The following CELF4 variants were observed in gnomAD, a reference collection of about 807,000 sequenced individuals.
The protein encoded by CELF4 is CUGBP Elav-like family member 4, also known as CUG-BP- and ETR-3-like factor 4.
A neutral mutation model predicts 59.9 loss-of-function variants in CELF4; 18 were observed. The observed-to-expected ratio is 0.30, with a 90% CI of 0.21 to 0.45. The LOEUF (loss-of-function observed/expected upper bound fraction) is 0.45. Ranked by LOEUF, CELF4 falls within the 20% of genes least tolerant of loss-of-function variation. The pLI, the probability that CELF4 is intolerant of heterozygous loss-of-function variation, is 1.00. For missense variants in CELF4, 456 were observed against 689.0 expected (o/e 0.66, Z 3.79); for synonymous variants, 261 against 267.1 (o/e 0.98, Z 0.22).
chr18:37,541,358 C>T (rs1410331452), intron 1 of CELF4, among the ~76,000 whole-genome samples: 2 of 151,956 alleles, frequency 1.3e-5, no homozygotes, highest in Non-Finnish European at 2.9e-5. Flanking sequence ...TCTCTTTCTC[C>T]CCACATCACA....
At chr18:37,379,935 G>A (rs1271844224) in intron 2 of CELF4, among the ~76,000 whole-genome samples, 2 of 152,066 alleles carry the variant, frequency 1.3e-5, no homozygotes, top group East Asian at 1.9e-4. Flanking sequence ...CCTGCTCCGG[G>A]GTTCCTCACC....
chr18:37,452,143 A>C (rs556154127), intron 2 of CELF4, among the ~76,000 whole-genome samples: 1 of 152,234 alleles, frequency 6.6e-6, no homozygotes, highest in Non-Finnish European at 1.5e-5. Flanking sequence ...TCTGCCAGCA[A>C]TGGTGTCGGC....
intron 2 of CELF4, among the ~76,000 whole-genome samples, chr18:37,349,247 A>C (rs2154552815): frequency 6.6e-6 from 1 of 152,348 alleles, no homozygotes; most frequent in African/African-American, 2.4e-5. Flanking sequence ...CTGAACTCGC[A>C]TCAAGGATAG....
At chr18:37,534,395 G>A (rs1417322415) in intron 1 of CELF4, among the ~76,000 whole-genome samples, 3 of 152,096 alleles carry the variant, frequency 2.0e-5, no homozygotes, top group Non-Finnish European at 2.9e-5. Context: ...TGGGCAGGCC[G>A]CTGTCCCTCG....
At chr18:37,392,748 C>T (rs1254872096) in intron 2 of CELF4, among the ~76,000 whole-genome samples, 4 of 152,184 alleles carry the variant, frequency 2.6e-5, no homozygotes, top group Non-Finnish European at 4.4e-5. Context: ...AGAAACTAGC[C>T]TGTTGTGCTA....
At chr18:37,310,210 C>T (rs937539467) in intron 3 of CELF4, among the ~76,000 whole-genome samples, 4 of 152,042 alleles carry the variant, frequency 2.6e-5, no homozygotes, top group East Asian at 1.9e-4. Context: ...ATGCAGCTCT[C>T]GGGGCAAGAC....
At chr18:37,492,815 T>C (rs971884035) in intron 1 of CELF4, among the ~76,000 whole-genome samples, 3 of 152,156 alleles carry the variant, frequency 2.0e-5, no homozygotes, top group Non-Finnish European at 4.4e-5. Flanking sequence ...GCCTCAAGGA[T>C]GAGCCTCATT....
chr18:37,401,422 G>C (rs2099325471), intron 2 of CELF4, among the ~76,000 whole-genome samples: 1 of 152,204 alleles, frequency 6.6e-6, no homozygotes, highest in South Asian at 2.1e-4. Context: ...CTGCATTTGT[G>C]GGGCAAGGAC....
Position 37,465,613 on chromosome 18 carries a change from A to C in CELF4, c.369+19912T>G, listed in dbSNP as rs190636761. Among the ~76,000 whole-genome samples, 361 of 152,274 alleles carry C rather than the reference A, an allele frequency of 2.4e-3. 1 individual carries two copies. Among genetic ancestry groups the C allele is most frequent in the African/African-American group, 8.4e-3 (348 of 41,558 alleles). On this transcript the variant is annotated intron_variant, in intron 2 of 12. Coordinates refer to ENST00000420428, the MANE Select transcript of CELF4 (RefSeq NM_020180.4). ...GACTGTGGGCCCACTGTGTGCCCAG[A>C]GCTGGGATGGCTCTGTGGGTACCAT...
chr18:37,492,020 G>A (rs535982084), intron 1 of CELF4, among the ~76,000 whole-genome samples: 24 of 152,300 alleles, frequency 1.6e-4, no homozygotes, highest in Admixed American at 2.6e-4. Context: ...GAAGGTTCCC[G>A]ATGTGATGCT....
chr18:37,496,532 AT>A (rs905648419), intron 1 of CELF4, among the ~76,000 whole-genome samples: 10 of 152,064 alleles, frequency 6.6e-5, no homozygotes, highest in African/African-American at 2.2e-4. Context: ...ACAACAATAA[AT>A]TTTTTTTAAA....
intron 11 of CELF4, among the ~76,000 whole-genome samples, chr18:37,256,117 G>A (rs531559395): frequency 6.6e-6 from 1 of 152,338 alleles, no homozygotes; most frequent in East Asian, 1.9e-4. Flanking sequence ...CCAAGTTCAT[G>A]GTTCCAGGAC....
At chr18:37,488,922 A>T (rs2099889674) in intron 1 of CELF4, among the ~76,000 whole-genome samples, 1 of 152,186 alleles carries the variant, frequency 6.6e-6, no homozygotes, top group Non-Finnish European at 1.5e-5. Flanking sequence ...TCATCTGTAA[A>T]ATGGGAAGAG....
chr18:37,259,498 G>A (rs2072891196), intron 10 of CELF4, among the ~76,000 whole-genome samples: 1 of 152,212 alleles, frequency 6.6e-6, no homozygotes, highest in Non-Finnish European at 1.5e-5. Context: ...ACCTCTCTGT[G>A]CCTCAGTTGC....
chr18:37,284,994 C>T lies in CELF4; in HGVS notation c.449-9751G>A, dbSNP rs141380385. On this transcript the variant is annotated intron_variant, in intron 3 of 12. Coordinates refer to ENST00000420428, the MANE Select transcript of CELF4 (RefSeq NM_020180.4). ...ACCGCCTGGAGTTCTCACTCCCTCT[C>T]TTCCCTCTCCACCCCTCCATCTCTG... Among the ~76,000 whole-genome samples, 86 of 152,334 alleles carry T rather than the reference C, an allele frequency of 5.6e-4. 1 individual carries two copies. The East Asian group carries it at 0.015, about 26-fold the overall frequency.
At chr18:37,469,957 C>T (rs935453838) in intron 2 of CELF4, among the ~76,000 whole-genome samples, 1 of 152,112 alleles carries the variant, frequency 6.6e-6, no homozygotes, top group African/African-American at 2.4e-5. Flanking sequence ...GCAGGACAGC[C>T]CCCAGTGAAT....
At chr18:37,463,596 C>G (rs2099799672) in intron 2 of CELF4, among the ~76,000 whole-genome samples, 1 of 152,170 alleles carries the variant, frequency 6.6e-6, no homozygotes, top group African/African-American at 2.4e-5. Context: ...GTCCTGCCTG[C>G]CCCTGTTCCC....
chr18:37,378,428 C>T (rs369724941), intron 2 of CELF4, among the ~76,000 whole-genome samples: 1 of 152,124 alleles, frequency 6.6e-6, no homozygotes, highest in Admixed American at 6.5e-5. Context: ...TACAATTTCC[C>T]TGTGAGTCTA....
chr18:37,302,303 T>C (rs2096104051), intron 3 of CELF4, among the ~76,000 whole-genome samples: 1 of 151,996 alleles, frequency 6.6e-6, no homozygotes, highest in Non-Finnish European at 1.5e-5. Context: ...GTGGGGAGAA[T>C]AGAATTCCTG....
Sources: gnomAD v4.1 joint callset for allele counts (sites outside exome capture counted in the v4.1 genomes callset) on GRCh38, gnomAD v4.1.1 for gene constraint, MANE v1.5 for transcripts, NCBI Gene and HGNC (gene_info 2026-07-23, HGNC 2026-07-21) for gene names.